TSPAN15: variants seen among roughly 807,000 people sequenced by gnomAD.
The protein encoded by TSPAN15 is tetraspanin 15.
In TSPAN15, 20 loss-of-function variants were observed where a neutral mutation model predicts 34.5. The observed-to-expected ratio is 0.58, with a 90% CI of 0.41 to 0.84. The LOEUF (loss-of-function observed/expected upper bound fraction) is 0.84. TSPAN15 is among the 40% of genes least tolerant of loss of function. The pLI, the probability that TSPAN15 is intolerant of heterozygous loss-of-function variation, is 0.00. For missense variants in TSPAN15, 313 were observed against 386.1 expected (o/e 0.81, Z 1.59); for synonymous variants, 155 against 153.9 (o/e 1.01, Z -0.05).
chr10:69,506,433 T>G lies in TSPAN15; in HGVS notation c.735+193T>G, dbSNP rs1207568298. The G allele has an allele frequency of 1.6e-6, 1 of 606,214 alleles. No individual in the cohort carries two copies. Among genetic ancestry groups the G allele is most frequent in the Non-Finnish European group, 2.9e-6 (1 of 340,922 alleles). The allele number at this position is 606,214 out of a possible 1,614,324, so 37.6% of individuals were successfully genotyped here. A position where few individuals can be genotyped will look rare whatever the true frequency, so the allele number is the denominator to read the frequency against. ...GCTCTTCCAAGTGCTGCGCAGGCAC[T>G]GCTGCTTCACTTCTTTTTGTGAGGG... On this transcript the variant is annotated intron_variant, in intron 7 of 7. Transcript: ENST00000373290. This position sits in a 1 kb window ranked among gnomAD's most constrained non-coding sequence, Gnocchi z 4.7.
chr10:69,468,684 G>A (rs10998808), intron 1 of TSPAN15, among the ~76,000 whole-genome samples: 58,351 of 151,184 alleles, frequency 0.39, 11,935 homozygotes, highest in Non-Finnish European at 0.45. Context: ...GGCTGCAGTC[G>A]TTGTGACCCC....
chr10:69,455,801 G>C (rs1358188543), intron 1 of TSPAN15, among the ~76,000 whole-genome samples: 1 of 151,838 alleles, frequency 6.6e-6, no homozygotes, highest in Non-Finnish European at 1.5e-5. Flanking sequence ...ACACGCACCT[G>C]CCATCAGTAT....
the TSPAN15 span, among the ~76,000 whole-genome samples, chr10:69,515,910 G>C: frequency 3.5e-4 from 54 of 152,364 alleles, no homozygotes; most frequent in South Asian, 4.3e-3. Context: ...GTGGCAGCAG[G>C]AGTCTGCTTT....
chr10:69,533,043 T>G, the TSPAN15 span, among the ~76,000 whole-genome samples: 1 of 152,168 alleles, frequency 6.6e-6, no homozygotes, highest in Non-Finnish European at 1.5e-5. Context: ...CTGGTGTGGA[T>G]GCGGTGATCA....
At chr10:69,497,410 T>C (rs1842109676) in intron 4 of TSPAN15, among the ~76,000 whole-genome samples, 1 of 152,214 alleles carries the variant, frequency 6.6e-6, no homozygotes, top group Non-Finnish European at 1.5e-5. Flanking sequence ...CCTCCGCACC[T>C]GCTGCTGAAA....
the TSPAN15 span, among the ~76,000 whole-genome samples, chr10:69,536,377 A>T: frequency 6.6e-6 from 1 of 152,198 alleles, no homozygotes; most frequent in Non-Finnish European, 1.5e-5. Context: ...GGTACCAGAC[A>T]CTATGCTAGG....
chr10:69,485,251 A>G (rs765451652), intron 3 of TSPAN15, 36 bp downstream of exon 3: 2 of 1,600,278 alleles, frequency 1.2e-6, no homozygotes, highest in Non-Finnish European at 8.6e-7. Flanking sequence ...CCATGTGTGT[A>G]TGGAGCACCC....
At chr10:69,457,234 G>A (rs1841131493) in intron 1 of TSPAN15, among the ~76,000 whole-genome samples, 2 of 152,190 alleles carry the variant, frequency 1.3e-5, no homozygotes, top group African/African-American at 4.8e-5. Flanking sequence ...GCTGCCCCTG[G>A]GGCCTGTGCA....
chr10:69,473,814 G>A (rs1007115234), intron 1 of TSPAN15, among the ~76,000 whole-genome samples: 2 of 152,084 alleles, frequency 1.3e-5, no homozygotes, highest in Non-Finnish European at 1.5e-5. Context: ...GGCCCTGCAC[G>A]TTCCAGACAC....
chr10:69,495,150 A>C (rs1325135358), intron 3 of TSPAN15: 5 of 160,854 alleles, frequency 3.1e-5, no homozygotes, highest in Non-Finnish European at 5.4e-5. Flanking sequence ...TGGATGGTGG[A>C]GGAGTGTGGA....
chr10:69,482,972 T>TG (rs563966790), intron 1 of TSPAN15, among the ~76,000 whole-genome samples: 1 of 110,640 alleles, frequency 9.0e-6, no homozygotes, highest in Non-Finnish European at 2.0e-5. Context: ...TTGATTTTTT[T>TG]TTTTTGTTGT....
chr10:69,534,818 TAAAA>T, the TSPAN15 span, among the ~76,000 whole-genome samples: 6 of 123,938 alleles, frequency 4.8e-5, no homozygotes, highest in African/African-American at 6.2e-5. Flanking sequence ...CCCTGTATCT[TAAAA>T]AAAAAAAAAA....
intron 1 of TSPAN15, among the ~76,000 whole-genome samples, chr10:69,462,357 C>T (rs755287552): frequency 3.8e-4 from 58 of 151,644 alleles, no homozygotes; most frequent in Non-Finnish European, 5.6e-4. Context: ...ATTTTTGAGA[C>T]GGAGTCTTGC....
At chr10:69,520,676 AT>A in the TSPAN15 span, among the ~76,000 whole-genome samples, 4 of 152,230 alleles carry the variant, frequency 2.6e-5, no homozygotes, top group African/African-American at 9.6e-5. Context: ...AAACAAAAAA[AT>A]CCATTGTATG....
At chr10:69,488,662 T>A (rs1841905748) in intron 3 of TSPAN15, among the ~76,000 whole-genome samples, 1 of 152,194 alleles carries the variant, frequency 6.6e-6, no homozygotes, top group Admixed American at 6.5e-5. Context: ...AGGACCATGA[T>A]GCCCACCTGA....
the TSPAN15 span, among the ~76,000 whole-genome samples, chr10:69,539,523 GAAGAAGAAGA>G: frequency 8.7e-6 from 1 of 115,532 alleles, no homozygotes; most frequent in Non-Finnish European, 1.9e-5. Context: ...AGAAGAAGAA[GAAGAAGAAGA>G]AGAAGGAGAA....
the TSPAN15 span, chr10:69,523,701 G>A: frequency 5.4e-6 from 1 of 185,764 alleles, no homozygotes; most frequent in Non-Finnish European, 1.1e-5. Context: ...ACACCCTTTT[G>A]GAAACTCATT....
chr10:69,530,072 T>C, the TSPAN15 span, among the ~76,000 whole-genome samples: 7 of 148,062 alleles, frequency 4.7e-5, no homozygotes, highest in African/African-American at 1.5e-4. Flanking sequence ...TGTTTATATA[T>C]AGGTATCTCA....
At chr10:69,500,522 A>T (rs898597740) in intron 5 of TSPAN15, among the ~76,000 whole-genome samples, 1 of 152,048 alleles carries the variant, frequency 6.6e-6, no homozygotes, top group Non-Finnish European at 1.5e-5. Context: ...GACCCAGGAG[A>T]GCTGAGGGTG....
Sources: allele counts gnomAD v4.1 joint callset (sites outside exome capture counted in the v4.1 genomes callset), GRCh38; gene constraint gnomAD v4.1.1; non-coding constraint Gnocchi (gnomAD v3.1); transcripts MANE v1.5; gene names NCBI Gene and HGNC (gene_info 2026-07-23, HGNC 2026-07-21).